Variants in OPCML observed in about 807,000 individuals in gnomAD.
OPCML encodes opioid binding protein/cell adhesion molecule like, also known as opioid-binding protein/cell adhesion molecule.
A neutral mutation model predicts 37.8 loss-of-function variants in OPCML; 13 were observed. That is an observed-to-expected ratio of 0.34 (90% confidence interval 0.22 to 0.55). OPCML has a LOEUF of 0.55. Ranked by LOEUF, OPCML falls within the 20% of genes least tolerant of loss-of-function variation. The pLI is 0.91. For missense variants in OPCML, 341 were observed against 435.6 expected (o/e 0.78, Z 1.93); for synonymous variants, 176 against 168.8 (o/e 1.04, Z -0.33).
At chr11:132,520,286 T>C (rs770437533) in intron 4 of OPCML, among the ~76,000 whole-genome samples, 15 of 152,222 alleles carry the variant, frequency 9.9e-5, no homozygotes, top group Non-Finnish European at 1.8e-4. Flanking sequence ...AGCTCCAGAC[T>C]TGAAAATCAG....
chr11:132,911,194 T>C (rs980089425), intron 2 of OPCML, among the ~76,000 whole-genome samples: 2 of 152,232 alleles, frequency 1.3e-5, no homozygotes, highest in African/African-American at 4.8e-5. Context: ...ACCACCGCCA[T>C]CAATAATGTG....
At chr11:133,155,976 G>A (rs906811579) in intron 1 of OPCML, among the ~76,000 whole-genome samples, 7 of 152,146 alleles carry the variant, frequency 4.6e-5, no homozygotes, top group Non-Finnish European at 8.8e-5. Context: ...TTGCAAGGTC[G>A]GGATCTTATT....
intron 1 of OPCML, among the ~76,000 whole-genome samples, chr11:133,275,157 A>C (rs1208115618): frequency 1.3e-5 from 2 of 152,154 alleles, no homozygotes; most frequent in Non-Finnish European, 1.5e-5. Context: ...AATTGGATCA[A>C]TTGTCCACAG....
intron 1 of OPCML, among the ~76,000 whole-genome samples, chr11:133,198,625 C>G (rs1023427672): frequency 6.6e-6 from 1 of 152,192 alleles, no homozygotes; most frequent in Non-Finnish European, 1.5e-5. Context: ...GAGGTGGACT[C>G]ACATCTATTC....
chr11:133,421,746 G>C (rs1945891302), intron 1 of OPCML: 1 of 985,170 alleles, frequency 1.0e-6, no homozygotes, highest in Non-Finnish European at 1.2e-6. Context: ...ACAAACTGTG[G>C]CAATGACACC....
chr11:132,917,014 G>C (rs897443741), intron 2 of OPCML, among the ~76,000 whole-genome samples: 12 of 152,314 alleles, frequency 7.9e-5, no homozygotes, highest in African/African-American at 2.6e-4. Context: ...GGTCCCTGGA[G>C]ATGAGTCCCC....
At chr11:133,125,257 C>T (rs894944397) in intron 1 of OPCML, among the ~76,000 whole-genome samples, 10 of 152,082 alleles carry the variant, frequency 6.6e-5, no homozygotes, top group Admixed American at 3.9e-4. Context: ...AACATCCCTT[C>T]CCTGGATTCA....
rs567361436 is a variant in OPCML, at chr11:133,384,181, C to A, written c.61+148083G>T. 1.4e-4 allele frequency among the ~76,000 whole-genome samples: 20 copies of A among 143,776 alleles called. No homozygotes were observed. The South Asian group carries it at 3.9e-3, about 28-fold the overall frequency. The allele number at this position is 143,776 out of a possible 152,430, so 94.3% of individuals were successfully genotyped here. A position where few individuals can be genotyped will look rare whatever the true frequency, so the allele number is the denominator to read the frequency against. ...ACAATGTATCCAATTTCTGGGGACA[C>A]CTTTGACCTAATTTTCCCAACGGCC... On this transcript the variant is annotated intron_variant, in intron 1 of 7. Coordinates refer to ENST00000524381, the MANE Select transcript of OPCML (RefSeq NM_001012393.5).
chr11:133,423,301 G>A, intron 1 of OPCML: 1 of 985,372 alleles, frequency 1.0e-6, no homozygotes, highest in Non-Finnish European at 1.2e-6. Flanking sequence ...AAAGAATGAA[G>A]TTCTGAGGGA....
intron 1 of OPCML, chr11:133,118,381 G>A: frequency 1.0e-6 from 1 of 985,334 alleles, no homozygotes. Flanking sequence ...GTTATAAACT[G>A]GAGTCTTTCT....
At chr11:132,463,986 A>C (rs967752673) in intron 4 of OPCML, among the ~76,000 whole-genome samples, 1 of 152,228 alleles carries the variant, frequency 6.6e-6, no homozygotes, top group Admixed American at 6.5e-5. Context: ...TGGAAATAAT[A>C]TTATCAACTC....
chr11:132,908,373 T>C (rs1382006206), intron 2 of OPCML, among the ~76,000 whole-genome samples: 1 of 152,200 alleles, frequency 6.6e-6, no homozygotes, highest in Non-Finnish European at 1.5e-5. Flanking sequence ...AGATTCCCCC[T>C]ACAATTAATT....
intron 1 of OPCML, among the ~76,000 whole-genome samples, chr11:133,037,914 C>G (rs113884225): frequency 3.0e-4 from 45 of 152,334 alleles, no homozygotes; most frequent in Non-Finnish European, 3.5e-4. Context: ...CCCCTTCTGG[C>G]TGTTTGGAGC....
At chr11:132,645,745 T>C (rs59896175) in intron 3 of OPCML, among the ~76,000 whole-genome samples, 7,681 of 152,342 alleles carry the variant, frequency 0.05, 448 homozygotes, top group African/African-American at 0.14. Flanking sequence ...TGTGTGTCTA[T>C]TTCAAATTAA....
At chr11:133,012,832 T>G (rs1186903417) in intron 1 of OPCML, among the ~76,000 whole-genome samples, 1 of 144,652 alleles carries the variant, frequency 6.9e-6, no homozygotes, top group Non-Finnish European at 1.5e-5. Flanking sequence ...ATCGCACCAT[T>G]GCACTCCAGC....
At chr11:132,663,818 T>G (rs1178254591) in intron 2 of OPCML, among the ~76,000 whole-genome samples, 1 of 152,126 alleles carries the variant, frequency 6.6e-6, no homozygotes, top group South Asian at 2.1e-4. Flanking sequence ...AATGTTGTTT[T>G]TTTTGTTTGT....
At chr11:132,444,456 AC>A (rs2096047565) in intron 4 of OPCML, among the ~76,000 whole-genome samples, 1 of 152,118 alleles carries the variant, frequency 6.6e-6, no homozygotes, top group Non-Finnish European at 1.5e-5. Flanking sequence ...AGCATTTGGG[AC>A]CCAGTATGGC....
intron 1 of OPCML, among the ~76,000 whole-genome samples, chr11:133,040,859 G>C (rs1457291996): frequency 2.0e-5 from 3 of 152,192 alleles, no homozygotes; most frequent in Non-Finnish European, 4.4e-5. Flanking sequence ...AACACTCGGA[G>C]AAGTGGTTTG....
At chr11:132,478,714 T>G (rs1461541971) in intron 4 of OPCML, among the ~76,000 whole-genome samples, 1 of 152,212 alleles carries the variant, frequency 6.6e-6, no homozygotes, top group Admixed American at 6.5e-5. Flanking sequence ...TTGAGCCTAG[T>G]AAAGTTCTTA....
Sources: allele counts gnomAD v4.1 joint callset (sites outside exome capture counted in the v4.1 genomes callset), GRCh38; gene constraint gnomAD v4.1.1; transcripts MANE v1.5; gene names NCBI Gene and HGNC (gene_info 2026-07-23, HGNC 2026-07-21).